Variants in USP10 observed in about 807,000 individuals in gnomAD.
USP10 encodes the protein ubiquitin specific peptidase 10.
USP10 carries 22 observed loss-of-function variants against 84.5 expected under a neutral mutation model. The ratio of observed to expected loss-of-function variants is 0.26; its 90% CI spans 0.19 to 0.37. USP10 has a LOEUF of 0.37. USP10 is among the 10% of genes least tolerant of loss of function. USP10 has a pLI of 1.00. For synonymous variants in USP10, 454 were observed against 387.6 expected (o/e 1.17, Z -2.01); for missense variants, 1,019 against 998.9 (o/e 1.02, Z -0.27).
chr16:84,760,218 T>G lies in USP10; in HGVS notation c.1497T>G (p.Phe499Leu). 1.2e-6 allele frequency: 2 copies of G among 1,611,434 alleles called. No homozygotes were observed. The highest frequency in any genetic ancestry group is 4.5e-5 in the East Asian group (2 of 44,856). The change falls in exon 8 of 14, where the codon TTT (phenylalanine) becomes TTG (leucine). Residue 499 changes from phenylalanine to leucine, a missense_variant. Phe to Leu is a conservative substitution (Grantham distance 22, BLOSUM62 0). This residue lies in a region of USP10 where 787 missense variants were observed against 708.8 expected (regional missense o/e 1.11). Transcript: ENST00000219473. ...IVRDIRPGAA[F>L]EPTYIYRLLT... ...GGGATATTCGCCCTGGAGCTGCCTT[T>G]GAGCCCACATATATTTACAGACTCC...
intron 13 of USP10, among the ~76,000 whole-genome samples, chr16:84,776,602 T>C (rs1200108091): frequency 6.6e-6 from 1 of 152,046 alleles, no homozygotes; most frequent in Non-Finnish European, 1.5e-5. Flanking sequence ...TCCCAGTGGG[T>C]GGCCAGCAGT....
chr16:84,707,701 T>C (rs746428925), intron 1 of USP10, among the ~76,000 whole-genome samples: 1 of 152,234 alleles, frequency 6.6e-6, no homozygotes, highest in Non-Finnish European at 1.5e-5. Flanking sequence ...AAGTGACTTA[T>C]CAGGATCCAG....
chr16:84,736,992 G>A (rs1393339655), intron 2 of USP10, among the ~76,000 whole-genome samples: 2 of 152,210 alleles, frequency 1.3e-5, no homozygotes, highest in African/African-American at 4.8e-5. Flanking sequence ...GTTTCACCGG[G>A]TTAGCCAGGA....
chr16:84,768,298 A>G lies in USP10; in HGVS notation c.1938A>G (p.Ala646=). 6.2e-7 allele frequency: 1 copy of G among 1,609,868 alleles called. No individual in the cohort carries two copies. Among genetic ancestry groups the G allele is most frequent in the Non-Finnish European group, 8.5e-7 (1 of 1,177,868 alleles). The change falls in exon 11 of 14, where the codon GCA becomes GCG. Residue 646 remains alanine, a synonymous_variant. Coordinates refer to ENST00000219473, the MANE Select transcript of USP10 (RefSeq NM_005153.3). ...ACAAGATACGCACAGTCCAGGATGC[A>G]CTGGAGAGCTTGGTGGCAAGAGAAT... is the stretch of plus-strand genomic sequence containing the variant. ...QSDKIRTVQD[A]LESLVARESV...
chr16:84,731,776 CT>C (rs5818506), intron 1 of USP10, among the ~76,000 whole-genome samples: 29 of 148,852 alleles, frequency 1.9e-4, no homozygotes, highest in African/African-American at 4.4e-4. Flanking sequence ...TCTGATAGCT[CT>C]TTTTTTTTTG....
chr16:84,768,985 T>C (rs1245920581), intron 11 of USP10, among the ~76,000 whole-genome samples: 1 of 152,210 alleles, frequency 6.6e-6, no homozygotes, highest in African/African-American at 2.4e-5. Context: ...GAGAGCTTAT[T>C]AGTTCCTGGC....
At chr16:84,730,640 T>C (rs1909094877) in intron 1 of USP10, among the ~76,000 whole-genome samples, 2 of 152,320 alleles carry the variant, frequency 1.3e-5, no homozygotes, top group African/African-American at 4.8e-5. Flanking sequence ...TGTGTGTTAG[T>C]GGCTTGGAAT....
At chr16:84,712,621 A>C (rs1906462450) in intron 1 of USP10, among the ~76,000 whole-genome samples, 2 of 152,222 alleles carry the variant, frequency 1.3e-5, no homozygotes, top group African/African-American at 4.8e-5. Flanking sequence ...CCCGAGGGGC[A>C]GATTTGCCGT....
intron 9 of USP10, among the ~76,000 whole-genome samples, chr16:84,763,438 T>G (rs1309267049): frequency 6.6e-6 from 1 of 152,228 alleles, no homozygotes; most frequent in Admixed American, 6.5e-5. Context: ...TATCTGTCCA[T>G]CCATATATAC....
rs140352777 is a variant in USP10, at chr16:84,716,944, G to C, written c.22-16491G>C. On this transcript the variant is annotated intron_variant, in intron 1 of 13. Coordinates refer to ENST00000219473, the MANE Select transcript of USP10 (RefSeq NM_005153.3). ...TTAAAATAGAAGTCCAGAGCCATAG[G>C]GACAGTCACTGTGATAGCAGTGTGC... 2.0e-5 allele frequency among the ~76,000 whole-genome samples: 3 copies of C among 152,278 alleles called. No homozygotes were observed. In the East Asian group the frequency reaches 5.8e-4, roughly 29 times the overall value.
chr16:84,770,707 G>A (rs1227920701), intron 11 of USP10, among the ~76,000 whole-genome samples: 1 of 150,634 alleles, frequency 6.6e-6, no homozygotes, highest in Non-Finnish European at 1.5e-5. Context: ...GGGAGGCGGA[G>A]CTTGCAGTGA....
chr16:84,746,318 G>T (rs1911219420), intron 4 of USP10, among the ~76,000 whole-genome samples: 1 of 152,200 alleles, frequency 6.6e-6, no homozygotes, highest in South Asian at 2.1e-4. Context: ...ATGCAGCAGG[G>T]TATGAAAGAG....
intron 2 of USP10, among the ~76,000 whole-genome samples, chr16:84,735,870 C>T (rs563833599): frequency 2.0e-3 from 308 of 152,294 alleles, no homozygotes; most frequent in African/African-American, 6.9e-3. Context: ...TTAACATAAT[C>T]GGATGGAGTT....
At chr16:84,737,878 G>GCCTCTCCAC (rs1244275024) in intron 2 of USP10, among the ~76,000 whole-genome samples, 10 of 152,140 alleles carry the variant, frequency 6.6e-5, no homozygotes, top group African/African-American at 2.4e-4. Flanking sequence ...AGCCTTTCCA[G>GCCTCTCCAC]CCTCTCCACC....
chr16:84,759,803 C>G, intron 6 of USP10, 88 bp from the exon 7 acceptor site: 1 of 1,303,250 alleles, frequency 7.7e-7, no homozygotes, highest in South Asian at 1.2e-5. Context: ...ACTCGTATAG[C>G]TGATATTCTA....
chr16:84,778,192 G>T (rs1057240694), intron 13 of USP10, among the ~76,000 whole-genome samples: 4 of 150,946 alleles, frequency 2.6e-5, no homozygotes, highest in African/African-American at 7.3e-5. Context: ...CACCATCTCC[G>T]CAGTGCCCCA....
chr16:84,767,170 C>G (rs907552310), intron 10 of USP10, among the ~76,000 whole-genome samples: 1 of 152,114 alleles, frequency 6.6e-6, no homozygotes, highest in South Asian at 2.1e-4. Context: ...CGCATCTGTT[C>G]TGGAAAGCCT....
At chr16:84,775,799 G>C (rs560070505) in intron 13 of USP10, among the ~76,000 whole-genome samples, 1 of 152,262 alleles carries the variant, frequency 6.6e-6, no homozygotes, top group Non-Finnish European at 1.5e-5. Flanking sequence ...TCCTGGCTTA[G>C]GCTCCCTGCA....
chr16:84,765,070 C>T (rs527486913), intron 10 of USP10, among the ~76,000 whole-genome samples: 1 of 150,088 alleles, frequency 6.7e-6, no homozygotes, highest in East Asian at 2.0e-4. Flanking sequence ...GCAAGACTGT[C>T]TTCAAAAAAA....
Sources: allele counts gnomAD v4.1 joint callset (sites outside exome capture counted in the v4.1 genomes callset), GRCh38; gene constraint gnomAD v4.1.1; regional missense constraint gnomAD v4.1.1; transcripts MANE v1.5; gene names NCBI Gene and HGNC (gene_info 2026-07-23, HGNC 2026-07-21).